FGF13: variants seen among roughly 807,000 people sequenced by gnomAD.
FGF13 encodes fibroblast growth factor homologous factor 2.
Under a neutral mutation model 19.5 loss-of-function variants are expected in FGF13, and 2 were observed. The observed-to-expected ratio is 0.10, with a 90% CI of 0.04 to 0.32. The LOEUF (loss-of-function observed/expected upper bound fraction) is 0.32, where lower values mean the gene tolerates loss of function less well. FGF13 is among the 10% of genes least tolerant of loss of function. The probability of loss-of-function intolerance (pLI) is 1.00; values close to 1 mark genes in which losing one functional copy is unlikely to be tolerated. For synonymous variants in FGF13, 72 were observed against 76.9 expected, an observed-to-expected ratio of 0.94 and a Z score of 0.33; for missense variants, 113 against 192.7, an observed-to-expected ratio of 0.59 and a Z score of 2.45.
intron 3 of FGF13, among the ~76,000 whole-genome samples, chrX:138,678,449 C>T (rs184697154): frequency 5.4e-5 from 6 of 111,832 alleles, no homozygotes; most frequent in Admixed American, 9.4e-5. Flanking sequence ...GTTAGATTCA[C>T]GCATGCCAAT....
chrX:139,099,279 A>T (rs2083490648), intron 1 of FGF13, among the ~76,000 whole-genome samples: 1 of 108,207 alleles, frequency 9.2e-6, no homozygotes, highest in African/African-American at 3.4e-5. Context: ...TACTTAAACT[A>T]TCTATTAAAA....
chrX:139,123,635 T>C (rs2083693914), intron 1 of FGF13, among the ~76,000 whole-genome samples: 1 of 112,257 alleles, frequency 8.9e-6, no homozygotes, highest in Non-Finnish European at 1.9e-5. Context: ...CTTGGTATTA[T>C]ATACTTGTTT....
chrX:139,079,781 C>A (rs1240271110), intron 1 of FGF13, among the ~76,000 whole-genome samples: 1 of 111,063 alleles, frequency 9.0e-6, no homozygotes, highest in Non-Finnish European at 1.9e-5. Context: ...GTTCTGGGTT[C>A]AAAATCTAAT....
At chrX:139,024,773 ATT>A (rs1171451577) in intron 1 of FGF13, among the ~76,000 whole-genome samples, 1 of 111,661 alleles carries the variant, frequency 9.0e-6, no homozygotes, top group East Asian at 2.8e-4. Context: ...TACTCCTGCC[ATT>A]GCAGGATCAG....
intron 1 of FGF13, among the ~76,000 whole-genome samples, chrX:138,879,398 A>G (rs1022757357): frequency 8.9e-5 from 10 of 111,966 alleles, no homozygotes; most frequent in African/African-American, 2.9e-4. Flanking sequence ...TCCGTTGCTC[A>G]TGCTTTTGCT....
At chrX:139,192,580 T>C (rs2084340282) in intron 1 of FGF13, among the ~76,000 whole-genome samples, 1 of 112,452 alleles carries the variant, frequency 8.9e-6, no homozygotes, top group Non-Finnish European at 1.9e-5. Flanking sequence ...CTAAACCAGC[T>C]GTGCATTAGA....
chrX:138,782,921 A>G (rs1446977764), intron 3 of FGF13, among the ~76,000 whole-genome samples: 1 of 67,203 alleles, frequency 1.5e-5, no homozygotes, highest in Admixed American at 1.9e-4. Flanking sequence ...CTATACTACA[A>G]GGCTACAGTA....
chrX:138,637,729 A>C (rs1176456197), intron 3 of FGF13, among the ~76,000 whole-genome samples: 1 of 112,030 alleles, frequency 8.9e-6, no homozygotes, highest in East Asian at 2.8e-4. Flanking sequence ...CAAATGTCAT[A>C]GATACAATGT....
At chrX:139,190,817 C>T (rs1413737877) in intron 1 of FGF13, among the ~76,000 whole-genome samples, 3 of 111,571 alleles carry the variant, frequency 2.7e-5, no homozygotes, top group African/African-American at 9.8e-5. Flanking sequence ...AGCAAGACAG[C>T]CACTCTGAGC....
intron 3 of FGF13, among the ~76,000 whole-genome samples, chrX:138,678,124 A>T (rs1041991550): frequency 1.1e-4 from 12 of 111,468 alleles, no homozygotes; most frequent in Non-Finnish European, 2.3e-4. Flanking sequence ...GTGGGAATTG[A>T]ACAATGAGAA....
intron 3 of FGF13, among the ~76,000 whole-genome samples, chrX:138,828,756 G>A (rs141711589): frequency 3.4e-4 from 37 of 109,061 alleles, no homozygotes; most frequent in African/African-American, 1.1e-3. Context: ...GTATCAGAAG[G>A]TTCCATTTAC....
chrX:138,913,428 G>A (rs1388364965), intron 1 of FGF13, among the ~76,000 whole-genome samples: 1 of 109,502 alleles, frequency 9.1e-6, no homozygotes, highest in African/African-American at 3.3e-5. Context: ...GCCTCCCAAA[G>A]TGCTGGATTA....
At position 139,167,864 on chromosome X, in the gene FGF13, A is replaced by G. The variant is rs1411370760; in HGVS notation, c.-113+35552T>C. The stretch of plus-strand genomic sequence containing the variant: ...TAGGACTCCTTTCAAACAGTAAAGT[A>G]TAAGTGCTGTGGATTAATAATTTGC... On this transcript the variant is annotated intron_variant, in intron 1 of 2. Coordinates refer to the FGF13 transcript ENST00000421460. Among the ~76,000 whole-genome samples, 9 of 112,463 alleles carry G rather than the reference A, an allele frequency of 8.0e-5. No individual in the cohort carries two copies. The Admixed American group carries it at 8.5e-4, about 11-fold the overall frequency.
chrX:138,820,663 C>G (rs928355966), intron 3 of FGF13, among the ~76,000 whole-genome samples: 1 of 112,077 alleles, frequency 8.9e-6, no homozygotes, highest in African/African-American at 3.2e-5. Context: ...CAACTTACAT[C>G]TGAAGGTAAC....
At chrX:138,979,627 T>C (rs2091955252) in intron 1 of FGF13, among the ~76,000 whole-genome samples, 1 of 110,369 alleles carries the variant, frequency 9.1e-6, no homozygotes, top group African/African-American at 3.3e-5. Context: ...GTATGGAGCA[T>C]TGTACCAGAG....
intron 1 of FGF13, among the ~76,000 whole-genome samples, chrX:139,191,585 C>T (rs2084329669): frequency 1.8e-5 from 2 of 111,454 alleles, no homozygotes; most frequent in East Asian, 5.7e-4. Flanking sequence ...AGTAATAGGT[C>T]AATGCACTTG....
rs1209203859 is a variant in FGF13 at position 138,624,437 on chromosome X, AAACTT to A, written c.*8408_*8412del. On this transcript the variant is annotated 3_prime_UTR_variant, in exon 5 of 5. Coordinates refer to ENST00000315930, the MANE Select transcript of FGF13 (RefSeq NM_004114.5). Reference sequence around the variant, plus strand: ...CAAAAATCAACTCAAAATCGATTAAAAACTTAAACATAAGACCTAAAATTGTAAAA... The same window carrying A: ...CAAAAATCAACTCAAAATCGATTAAAAAACATAAGACCTAAAATTGTAAAA... The A allele has an allele frequency of 8.9e-6, 1 of 112,548 alleles. No individual in the cohort carries two copies. The highest frequency in any genetic ancestry group is 1.9e-5 in the Non-Finnish European group (1 of 53,371). The allele number at this position is 112,548 out of a possible 1,213,427, so 9.3% of individuals were successfully genotyped here.
chrX:139,011,926 G>A (rs997897362), intron 1 of FGF13, among the ~76,000 whole-genome samples: 2 of 110,981 alleles, frequency 1.8e-5, no homozygotes, highest in Middle Eastern at 4.7e-3. Flanking sequence ...TGATATGATC[G>A]TATACCTAGA....
chrX:138,831,725 C>A (rs1223911849), intron 3 of FGF13, among the ~76,000 whole-genome samples: 2 of 108,272 alleles, frequency 1.8e-5, no homozygotes, highest in African/African-American at 6.8e-5. Context: ...AGGTTTTTTA[C>A]GTAGGTAAAT....
Sources: allele counts gnomAD v4.1 joint callset (sites outside exome capture counted in the v4.1 genomes callset), GRCh38; gene constraint gnomAD v4.1.1; transcripts MANE v1.5; gene names NCBI Gene and HGNC (gene_info 2026-07-23, HGNC 2026-07-21).